The following AGAP1 variants were observed in gnomAD, a reference collection of about 807,000 sequenced individuals.
AGAP1 encodes arf-GAP with GTPase, ANK repeat and PH domain-containing protein 1.
Under a neutral mutation model 105.3 loss-of-function variants are expected in AGAP1, and 29 were observed. That is an observed-to-expected ratio of 0.28 (90% CI 0.21 to 0.38). The LOEUF is 0.38. Among genes scored for constraint, AGAP1 ranks in the 10% least tolerant of loss-of-function variants. The pLI, the probability that AGAP1 is intolerant of heterozygous loss-of-function variation, is 1.00. For synonymous variants in AGAP1, 509 were observed against 485.9 expected (o/e 1.05, Z -0.63); for missense variants, 998 against 1,165.1 (o/e 0.86, Z 2.09).
At chr2:235,678,274 A>T (rs1293490636) in intron 1 of AGAP1, among the ~76,000 whole-genome samples, 1 of 152,096 alleles carries the variant, frequency 6.6e-6, no homozygotes, top group Non-Finnish European at 1.5e-5. Flanking sequence ...GTTCATGAAC[A>T]CTCTGGAAGC....
intron 1 of AGAP1, among the ~76,000 whole-genome samples, chr2:235,525,215 A>G (rs1029748569): frequency 2.6e-5 from 4 of 152,382 alleles, no homozygotes; most frequent in African/African-American, 9.6e-5. Flanking sequence ...AATGTCTCCA[A>G]TACGAGAAAA....
chr2:236,103,651 C>T (rs866876058), intron 16 of AGAP1, among the ~76,000 whole-genome samples: 2 of 151,838 alleles, frequency 1.3e-5, no homozygotes, highest in African/African-American at 2.4e-5. Context: ...CTCACAGTAA[C>T]CTCCACCTCC....
At chr2:235,812,916 A>C (rs572187248) in intron 9 of AGAP1, among the ~76,000 whole-genome samples, 1 of 152,350 alleles carries the variant, frequency 6.6e-6, no homozygotes, top group South Asian at 2.1e-4. Context: ...GATAATTTAC[A>C]GAGTGAACTG....
At chr2:235,584,344 C>T (rs6431389) in intron 1 of AGAP1, among the ~76,000 whole-genome samples, 57,463 of 150,468 alleles carry the variant, frequency 0.38, 11,283 homozygotes, top group Middle Eastern at 0.54. Context: ...GGTTAAGGGA[C>T]GACTGTGTTG....
intron 9 of AGAP1, among the ~76,000 whole-genome samples, chr2:235,871,544 T>C (rs2049440723): frequency 1.3e-5 from 2 of 152,250 alleles, no homozygotes; most frequent in African/African-American, 4.8e-5. Context: ...CTTACATCTC[T>C]GCCAGCCTCA....
chr2:236,090,901 G>A lies in AGAP1; in HGVS notation c.2115-29291G>A, dbSNP rs938485896. ...ATTACAGGCATGCGCCACCATACCC[G>A]GCTAATTTTGCATTTTTAGTAGGGA... On this transcript the variant is annotated intron_variant, in intron 16 of 17. Transcript: ENST00000304032. This position sits in a 1 kb window ranked among gnomAD's most constrained non-coding sequence, Gnocchi z 4.3. Among the ~76,000 whole-genome samples, 3 of 152,124 alleles carry A rather than the reference G, an allele frequency of 2.0e-5. No individual in the cohort carries two copies. The highest frequency in any genetic ancestry group is 2.9e-5 in the Non-Finnish European group (2 of 68,020).
chr2:236,102,849 C>T (rs1576310994), intron 16 of AGAP1, among the ~76,000 whole-genome samples: 1 of 152,178 alleles, frequency 6.6e-6, no homozygotes, highest in Admixed American at 6.5e-5. Context: ...CCGGCTGCTT[C>T]TGGAACATTC....
intron 11 of AGAP1, among the ~76,000 whole-genome samples, chr2:235,915,342 G>A (rs1246114535): frequency 6.6e-6 from 1 of 152,192 alleles, no homozygotes; most frequent in Non-Finnish European, 1.5e-5. Flanking sequence ...GATTTAATAC[G>A]TTAGTTATTA....
chr2:235,818,791 C>T (rs186151761), intron 9 of AGAP1, among the ~76,000 whole-genome samples: 1 of 152,326 alleles, frequency 6.6e-6, no homozygotes, highest in African/African-American at 2.4e-5. Flanking sequence ...TTAGGCTGTT[C>T]TCGAACTCCT....
Position 235,936,947 on chromosome 2 carries a change from A to C in AGAP1, c.1483+6024A>C, listed in dbSNP as rs1442125474. 6.7e-6 allele frequency among the ~76,000 whole-genome samples: 1 copy of C among 150,042 alleles called. No individual in the cohort carries two copies. Among genetic ancestry groups the C allele is most frequent in the Non-Finnish European group, 1.5e-5 (1 of 67,516 alleles). On this transcript the variant is annotated intron_variant, in intron 12 of 17. Transcript: ENST00000304032. The surrounding 1 kb of genome is among the most constrained non-coding windows in gnomAD (Gnocchi z 4.7). The stretch of plus-strand genomic sequence containing the variant: ...CATTCCCCTCTGCTTTTTTTTTTTT[A>C]AGGAGAAACGCATGCTTAGTACTAA...
chr2:235,761,937 C>G (rs953976320), intron 6 of AGAP1, among the ~76,000 whole-genome samples: 1 of 151,838 alleles, frequency 6.6e-6, no homozygotes, highest in Non-Finnish European at 1.5e-5. Context: ...TGGTGAAACC[C>G]CATCTCTACT....
At chr2:235,838,444 CCTT>C (rs1198271544) in intron 9 of AGAP1, among the ~76,000 whole-genome samples, 1 of 152,172 alleles carries the variant, frequency 6.6e-6, no homozygotes, top group Non-Finnish European at 1.5e-5. Context: ...ATTTATTCCT[CCTT>C]AGAATTTTTC....
Position 235,751,669 on chromosome 2 carries a change from C to G in AGAP1, c.673+1181C>G, listed in dbSNP as rs751166159. On this transcript the variant is annotated intron_variant, in intron 6 of 17. Transcript: ENST00000304032. This position sits in a 1 kb window ranked among gnomAD's most constrained non-coding sequence, Gnocchi z 5.3. ...AGATGACATCAGTTCTCAAACTTCA[C>G]ATTTTCTTTCCTGGAGCAGTGAGGT... Among the ~76,000 whole-genome samples the G allele has an allele frequency of 6.6e-6, 1 of 152,224 alleles. No homozygotes were observed. The highest frequency in any genetic ancestry group is 1.5e-5 in the Non-Finnish European group (1 of 68,042).
At chr2:235,876,830 T>G (rs2106590671) in intron 9 of AGAP1, among the ~76,000 whole-genome samples, 1 of 151,676 alleles carries the variant, frequency 6.6e-6, no homozygotes, top group Admixed American at 6.6e-5. Flanking sequence ...TTTCCCACAT[T>G]TGAGTGGTGT....
intron 6 of AGAP1, among the ~76,000 whole-genome samples, chr2:235,770,103 A>G (rs1470920707): frequency 7.1e-6 from 1 of 141,428 alleles, no homozygotes; most frequent in East Asian, 2.1e-4. Flanking sequence ...ACACATATAT[A>G]TACACACACA....
intron 9 of AGAP1, among the ~76,000 whole-genome samples, chr2:235,858,292 A>C (rs1375705876): frequency 6.6e-6 from 1 of 152,372 alleles, no homozygotes; most frequent in Middle Eastern, 3.4e-3. Flanking sequence ...AAATGTAAGA[A>C]TAATGCTATA....
Position 235,744,583 on chromosome 2 carries a change from G to A in AGAP1, c.397-115G>A. On this transcript the variant is annotated intron_variant, in intron 4 of 17. Coordinates refer to ENST00000304032, the MANE Select transcript of AGAP1 (RefSeq NM_001037131.3). The surrounding 1 kb of genome is among the most constrained non-coding windows in gnomAD (Gnocchi z 5.2). ...GACAGTCAAAAGTCAAGCACCCAGT[G>A]TGTGACCGAGGGGATTCCTGCAGCC... The A allele has an allele frequency of 1.5e-6, 2 of 1,296,956 alleles. No individual in the cohort carries two copies. The highest frequency in any genetic ancestry group is 2.2e-6 in the Non-Finnish European group (2 of 913,442). The allele number at this position is 1,296,956 out of a possible 1,614,324, so 80.3% of individuals were successfully genotyped here. A position where few individuals can be genotyped will look rare whatever the true frequency, so the allele number is the denominator to read the frequency against.
intron 9 of AGAP1, among the ~76,000 whole-genome samples, chr2:235,841,100 G>A (rs182180488): frequency 8.9e-4 from 135 of 152,278 alleles, no homozygotes; most frequent in African/African-American, 3.1e-3. Flanking sequence ...TCAGGGAAAT[G>A]ATGGAGCAGA....
chr2:235,519,508 A>G (rs1942535868), intron 1 of AGAP1, among the ~76,000 whole-genome samples: 2 of 152,224 alleles, frequency 1.3e-5, no homozygotes, highest in Admixed American at 1.3e-4. Flanking sequence ...AAGGTGTAAT[A>G]AGCATAGAAA....
Sources: gnomAD v4.1 joint callset for allele counts (sites outside exome capture counted in the v4.1 genomes callset) on GRCh38, gnomAD v4.1.1 for gene constraint, Gnocchi (gnomAD v3.1) non-coding constraint, MANE v1.5 for transcripts, NCBI Gene and HGNC (gene_info 2026-07-23, HGNC 2026-07-21) for gene names.